Variants in GRIK1 observed in about 807,000 individuals in gnomAD.
The protein encoded by GRIK1 is glutamate receptor ionotropic, kainate 1.
Under a neutral mutation model 105.7 loss-of-function variants are expected in GRIK1, and 69 were observed. That is an observed-to-expected ratio of 0.65 (90% CI 0.54 to 0.80). The LOEUF (loss-of-function observed/expected upper bound fraction) is 0.80, where lower values mean the gene tolerates loss of function less well. GRIK1 is among the 30% of genes least tolerant of loss of function. The pLI is 0.00. For synonymous variants in GRIK1, 438 were observed against 431.3 expected (o/e 1.02, Z -0.19); for missense variants, 1,109 against 1,167.3 (o/e 0.95, Z 0.73).
At chr21:29,669,606 G>C (rs990709141) in intron 4 of GRIK1, among the ~76,000 whole-genome samples, 1 of 152,164 alleles carries the variant, frequency 6.6e-6, no homozygotes, top group African/African-American at 2.4e-5. Context: ...GCCAGGCTCA[G>C]AGAATGACCT....
At chr21:29,891,508 T>C (rs964232651) in intron 1 of GRIK1, among the ~76,000 whole-genome samples, 1 of 152,214 alleles carries the variant, frequency 6.6e-6, no homozygotes, top group Non-Finnish European at 1.5e-5. Flanking sequence ...ATTCCATTCC[T>C]TCCCTTTCTG....
intron 1 of GRIK1, among the ~76,000 whole-genome samples, chr21:29,711,707 A>G (rs1338047645): frequency 6.6e-6 from 1 of 152,104 alleles, no homozygotes; most frequent in Admixed American, 6.6e-5. Context: ...TGCTCTATGT[A>G]ACTCTGGCTT....
intron 1 of GRIK1, among the ~76,000 whole-genome samples, chr21:29,807,866 C>G (rs558391497): frequency 1.3e-5 from 2 of 152,190 alleles, no homozygotes; most frequent in African/African-American, 4.8e-5. Flanking sequence ...TCCTGATAGC[C>G]TTGTCTGTGG....
chr21:29,691,948 C>T (rs192163159), intron 2 of GRIK1, among the ~76,000 whole-genome samples: 31 of 152,242 alleles, frequency 2.0e-4, no homozygotes, highest in African/African-American at 7.2e-4. Flanking sequence ...TGTAAACTGT[C>T]ATTGTCTTCA....
At chr21:29,848,779 A>ATATATATATATATATATAT in intron 1 of GRIK1, among the ~76,000 whole-genome samples, 3 of 77,866 alleles carry the variant, frequency 3.9e-5, no homozygotes, top group African/African-American at 1.8e-4. Context: ...ATATATATAT[A>ATATATATATATATATATAT]TTTTTTTTTT....
chr21:29,887,611 A>G (rs1197822101), intron 1 of GRIK1, among the ~76,000 whole-genome samples: 2 of 152,170 alleles, frequency 1.3e-5, no homozygotes, highest in Non-Finnish European at 2.9e-5. Flanking sequence ...TTTTTCTCAT[A>G]TAATAAGAAA....
At chr21:29,928,462 A>G (rs1023531054) in intron 1 of GRIK1, among the ~76,000 whole-genome samples, 3 of 152,234 alleles carry the variant, frequency 2.0e-5, no homozygotes, top group African/African-American at 7.2e-5. Context: ...GCCCACAGGC[A>G]GGTGGGTCTC....
rs546053170 is a variant in GRIK1, at chr21:29,658,159, A to G, written c.727-3296T>C. Among the ~76,000 whole-genome samples, 353 of 152,284 alleles carry G rather than the reference A, an allele frequency of 2.3e-3. 4 individuals are homozygous for G. The highest frequency in any genetic ancestry group is 8.3e-3 in the African/African-American group (344 of 41,554). Reference sequence around the variant, plus strand: ...GCAGAAAACACTTCATGTCACACACACTAAAATGTAATAAAGGCAGATATC... The same window carrying G: ...GCAGAAAACACTTCATGTCACACACGCTAAAATGTAATAAAGGCAGATATC... On this transcript the variant is annotated intron_variant, in intron 4 of 17. Coordinates refer to ENST00000327783, the MANE Select transcript of GRIK1 (RefSeq NM_001330994.2).
intron 1 of GRIK1, among the ~76,000 whole-genome samples, chr21:29,851,056 C>CTTTTTTTTTTTTTTT (rs11301678): frequency 6.8e-6 from 1 of 146,432 alleles, no homozygotes; most frequent in Non-Finnish European, 1.5e-5. Flanking sequence ...GAAATGATTT[C>CTTTTTTTTTTTTTTT]TTTTTTTTTT....
At chr21:29,738,759 G>A (rs572857664) in intron 1 of GRIK1, among the ~76,000 whole-genome samples, 110 of 152,126 alleles carry the variant, frequency 7.2e-4, no homozygotes, top group Non-Finnish European at 1.3e-3. Context: ...GAATGTAAAA[G>A]GAACTTGATT....
In GRIK1 at chr21:29,642,227, G is replaced by A. The variant is rs1312047998; in HGVS notation, c.1098+599C>T. On this transcript the variant is annotated intron_variant, in intron 7 of 17. Transcript: ENST00000327783. The stretch of plus-strand genomic sequence containing the variant: ...TCAAACTGCCTCAGAGAAAAGAAAA[G>A]GTGGAGGACAGTCCAGGATCCCAGG... Among the ~76,000 whole-genome samples, 4 of 152,280 alleles carry A rather than the reference G, an allele frequency of 2.6e-5. No homozygotes were observed. In the South Asian group the frequency reaches 8.3e-4, roughly 32 times the overall value.
chr21:29,727,468 T>C (rs578006678), intron 1 of GRIK1, among the ~76,000 whole-genome samples: 1 of 152,290 alleles, frequency 6.6e-6, no homozygotes, highest in Admixed American at 6.5e-5. Flanking sequence ...AACCACACCT[T>C]TGCTCTTATC....
intron 1 of GRIK1, among the ~76,000 whole-genome samples, chr21:29,896,342 T>C (rs754436976): frequency 2.0e-4 from 31 of 152,192 alleles, no homozygotes; most frequent in Non-Finnish European, 3.5e-4. Context: ...TGCAATATTT[T>C]CCTTCTCTGC....
intron 1 of GRIK1, among the ~76,000 whole-genome samples, chr21:29,819,871 C>T (rs1217792673): frequency 6.6e-6 from 1 of 152,082 alleles, no homozygotes; most frequent in African/African-American, 2.4e-5. Context: ...ACCCCCACTG[C>T]ACTTTCACCC....
chr21:29,780,192 G>A (rs1403000199), intron 1 of GRIK1, among the ~76,000 whole-genome samples: 1 of 152,156 alleles, frequency 6.6e-6, no homozygotes, highest in African/African-American at 2.4e-5. Flanking sequence ...TCTGAAATTA[G>A]TAAGTGTTAG....
intron 1 of GRIK1, among the ~76,000 whole-genome samples, chr21:29,748,621 C>A (rs1361036522): frequency 6.6e-6 from 1 of 152,184 alleles, no homozygotes; most frequent in Non-Finnish European, 1.5e-5. Flanking sequence ...GTAATCCGTA[C>A]TGAAATAATC....
At chr21:29,724,732 A>T (rs758863432) in intron 1 of GRIK1, among the ~76,000 whole-genome samples, 7 of 152,212 alleles carry the variant, frequency 4.6e-5, no homozygotes, top group Non-Finnish European at 8.8e-5. Context: ...AGAAGAGCAT[A>T]TGTCCTCTAA....
intron 13 of GRIK1, 71 bp from the exon 14 acceptor site, chr21:29,577,252 C>A (rs1174748121): frequency 2.3e-6 from 2 of 852,426 alleles, no homozygotes; most frequent in Non-Finnish European, 2.0e-6. Context: ...CAGTTCGACA[C>A]TATTCTAGGA....
intron 1 of GRIK1, among the ~76,000 whole-genome samples, chr21:29,810,621 T>C (rs929651247): frequency 2.0e-5 from 3 of 152,160 alleles, no homozygotes; most frequent in Admixed American, 2.0e-4. Flanking sequence ...TTTAAATTTA[T>C]ATTTTCTTTT....
Sources: allele counts gnomAD v4.1 joint callset (sites outside exome capture counted in the v4.1 genomes callset), GRCh38; gene constraint gnomAD v4.1.1; transcripts MANE v1.5; gene names NCBI Gene and HGNC (gene_info 2026-07-23, HGNC 2026-07-21).